The following SPTBN2 variants were observed in gnomAD, a reference collection of about 807,000 sequenced individuals.
SPTBN2 encodes spectrin beta chain, non-erythrocytic 2.
SPTBN2 carries 107 observed loss-of-function variants against 284.2 expected under a neutral mutation model. The observed-to-expected ratio is 0.38, with a 90% CI of 0.32 to 0.44. SPTBN2 has a LOEUF of 0.44. SPTBN2 is among the 20% of genes least tolerant of loss of function. SPTBN2 has a pLI of 1.00. For synonymous variants in SPTBN2, 1,289 were observed against 1,354.8 expected (o/e 0.95, Z 1.07); for missense variants, 2,569 against 3,287.1 (o/e 0.78, Z 5.34).
chr11:66,705,374 C>T lies in SPTBN2; in HGVS notation c.1902G>A (p.Arg634=). ...EALCELAAAR[R]ARLEESRRLW... ...GCCGCCGTGATTCCTCCAGCCGGGCCCGCCGCGCCGCTGCCAACTCGCACA... is the reference window on the plus strand; with the variant it reads ...GCCGCCGTGATTCCTCCAGCCGGGCTCGCCGCGCCGCTGCCAACTCGCACA... The change falls in exon 15 of 38, where the codon CGG becomes CGA. Residue 634 remains arginine (R), a synonymous_variant. Transcript: ENST00000533211. The T allele has an allele frequency of 1.9e-6, 3 of 1,612,672 alleles. No individual in the cohort carries two copies. Among genetic ancestry groups the T allele is most frequent in the African/African-American group, 2.7e-5 (2 of 75,062 alleles).
chr11:66,713,234 C>A (rs1478074276), intron 8 of SPTBN2, among the ~76,000 whole-genome samples: 1 of 150,874 alleles, frequency 6.6e-6, no homozygotes, highest in Non-Finnish European at 1.5e-5. Context: ...AAAAAAAAAA[C>A]CTGAGAAATG....
chr11:66,709,687 A>G (rs1941756166), intron 10 of SPTBN2, among the ~76,000 whole-genome samples: 1 of 152,218 alleles, frequency 6.6e-6, no homozygotes, highest in Admixed American at 6.5e-5. Flanking sequence ...ACCTTAAATC[A>G]TTCCCTGGAA....
At position 66,691,581 on chromosome 11, in the gene SPTBN2, C is replaced by G; in HGVS notation, c.5268G>C (p.Ala1756=). The G allele has an allele frequency of 6.2e-7, 1 of 1,613,740 alleles. No individual in the cohort carries two copies. The change falls in exon 27 of 38, where the codon GCG becomes GCC. Residue 1756 remains alanine, a synonymous_variant. Coordinates refer to ENST00000533211, the MANE Select transcript of SPTBN2 (RefSeq NM_006946.4). This position sits in a 1 kb window ranked among gnomAD's most constrained non-coding sequence, Gnocchi z 8.0. ...IGQERVDSAN[A]LANGLIAGGH... ...CCCCAGCAATGAGCCCATTGGCCAG[C>G]GCATTGGCGCTATCTACGCGCTCCT...
intron 1 of SPTBN2, among the ~76,000 whole-genome samples, chr11:66,734,685 T>C (rs1590997967): frequency 6.6e-6 from 1 of 152,208 alleles, no homozygotes; most frequent in East Asian, 1.9e-4. Context: ...TTGTGTTCTC[T>C]TTTACAGCAT....
intron 16 of SPTBN2, 112 bp from the exon 17 acceptor site, chr11:66,701,394 G>C: frequency 1.3e-6 from 2 of 1,530,630 alleles, no homozygotes; most frequent in Non-Finnish European, 1.8e-6. Context: ...TTTCTGGCCA[G>C]CAGCCGCTTC....
In SPTBN2 at chr11:66,704,475, T is replaced by C. The variant is rs921244817; in HGVS notation, c.2678+123A>G. ...TAACATTTTTTGTTAAAACTAGAAATGGACAACCATTAAGACTCAAAGGGG... is the reference window on the plus strand; with the variant it reads ...TAACATTTTTTGTTAAAACTAGAAACGGACAACCATTAAGACTCAAAGGGG... On this transcript the variant is annotated intron_variant, in intron 15 of 37. Transcript: ENST00000533211. 16 of 1,185,838 alleles carry C rather than the reference T, an allele frequency of 1.3e-5. No individual in the cohort carries two copies. In the African/African-American group the frequency reaches 2.5e-4, roughly 18 times the overall value. 73.5% of individuals were successfully genotyped at this position (1,185,838 alleles called of 1,614,324 possible). A position where few individuals can be genotyped will look rare whatever the true frequency, so the allele number is the denominator to read the frequency against.
intron 1 of SPTBN2, among the ~76,000 whole-genome samples, chr11:66,721,824 T>A (rs1942419044): frequency 6.6e-6 from 1 of 151,858 alleles, no homozygotes; most frequent in Non-Finnish European, 1.5e-5. Flanking sequence ...GGTGGGTGGA[T>A]CACCTGAGGT....
At chr11:66,695,096 G>A in intron 21 of SPTBN2, among the ~76,000 whole-genome samples, 1 of 152,180 alleles carries the variant, frequency 6.6e-6, no homozygotes, top group East Asian at 1.9e-4. Context: ...CTCCAAGGAG[G>A]TCTGAGACTC....
Position 66,687,151 on chromosome 11 carries a change from AC to A in SPTBN2, c.6738del (p.Tyr2247ThrfsTer70). On this transcript the variant is annotated frameshift_variant, in exon 36 of 38. Transcript: ENST00000533211. LOFTEE classifies it high-confidence loss of function. This position sits in a 1 kb window ranked among gnomAD's most constrained non-coding sequence, Gnocchi z 5.2. ...AGGCTCCCACGCCGCAGGACACAGTACACGTTCTGCCAGGACCTGCGAGGGA... is the reference window on the plus strand; with the variant it reads ...AGGCTCCCACGCCGCAGGACACAGTAACGTTCTGCCAGGACCTGCGAGGGA... ...KKAANRSWQN[V>X]YCVLRRGSLG... 1 of 1,613,992 alleles carries A rather than the reference AC, an allele frequency of 6.2e-7. No individual in the cohort carries two copies. Among genetic ancestry groups the A allele is most frequent in the Non-Finnish European group, 8.5e-7 (1 of 1,180,032 alleles).
At chr11:66,724,637 C>A (rs954076681) in intron 1 of SPTBN2, among the ~76,000 whole-genome samples, 2 of 152,174 alleles carry the variant, frequency 1.3e-5, no homozygotes, top group Non-Finnish European at 2.9e-5. Context: ...CTGCACAGAA[C>A]CTAAACATGG....
intron 3 of SPTBN2, among the ~76,000 whole-genome samples, chr11:66,719,829 C>G (rs577692044): frequency 6.6e-6 from 1 of 152,290 alleles, no homozygotes; most frequent in South Asian, 2.1e-4. Flanking sequence ...GGAACATTTT[C>G]CCCAAACATG....
chr11:66,687,383 T>G lies in SPTBN2; in HGVS notation c.6722+44A>C. The G allele has an allele frequency of 1.9e-6, 3 of 1,595,144 alleles. No homozygotes were observed. The highest frequency in any genetic ancestry group is 1.7e-6 in the Non-Finnish European group (2 of 1,174,248). ...TCCCTCCCTCTATCTGGGCAGAGGC[T>G]CTGGGGAAGTGCCCTCTGAGAGCAG... On this transcript the variant is annotated intron_variant, in intron 35 of 37. Transcript: ENST00000533211. This position sits in a 1 kb window ranked among gnomAD's most constrained non-coding sequence, Gnocchi z 5.2.
chr11:66,741,724 T>G (rs1180516291), intron 1 of SPTBN2, among the ~76,000 whole-genome samples: 5 of 152,210 alleles, frequency 3.3e-5, no homozygotes, highest in Non-Finnish European at 1.5e-5. Context: ...GGCTTCAAAT[T>G]TCTTCATCTT....
intron 1 of SPTBN2, among the ~76,000 whole-genome samples, chr11:66,722,177 G>A (rs1942437491): frequency 6.6e-6 from 1 of 152,138 alleles, no homozygotes; most frequent in African/African-American, 2.4e-5. Flanking sequence ...ATAAATGTCG[G>A]CTGTGACATA....
In SPTBN2 at chr11:66,710,785, C is replaced by G; in HGVS notation, c.886-16G>C. On this transcript the variant is annotated splice_polypyrimidine_tract_variant and intron_variant, in intron 9 of 37. Transcript: ENST00000533211. This position sits in a 1 kb window ranked among gnomAD's most constrained non-coding sequence, Gnocchi z 4.9. ...GGTCCAGCACCTGGGAGGCAGAAGACAGGGACGTGACAGTCCCAGCCACAG... is the reference window on the plus strand; with the variant it reads ...GGTCCAGCACCTGGGAGGCAGAAGAGAGGGACGTGACAGTCCCAGCCACAG... 6.2e-7 allele frequency: 1 copy of G among 1,613,620 alleles called. No individual in the cohort carries two copies. Among genetic ancestry groups the G allele is most frequent in the Non-Finnish European group, 8.5e-7 (1 of 1,180,036 alleles).
At chr11:66,735,578 G>A (rs928090505) in intron 1 of SPTBN2, among the ~76,000 whole-genome samples, 1 of 152,112 alleles carries the variant, frequency 6.6e-6, no homozygotes, top group Admixed American at 6.6e-5. Context: ...TGGGCATGGT[G>A]GTGTATGCCT....
chr11:66,724,843 C>T (rs1192143418), intron 1 of SPTBN2, among the ~76,000 whole-genome samples: 1 of 152,216 alleles, frequency 6.6e-6, no homozygotes, highest in African/African-American at 2.4e-5. Context: ...CTTCTCTCTT[C>T]TCCATACCTC....
chr11:66,693,696 T>C lies in SPTBN2; in HGVS notation c.4593+76A>G. 1 of 1,442,248 alleles carries C rather than the reference T, an allele frequency of 6.9e-7. No individual in the cohort carries two copies. The highest frequency in any genetic ancestry group is 1.4e-5 in the African/African-American group (1 of 71,154). 89.3% of individuals were successfully genotyped at this position (1,442,248 alleles called of 1,614,324 possible). ...GTTACACTCAGCATCGAGGGGGGCCTGGTCTTAAGAAAAAACACGTCCAAG... is the reference window on the plus strand; with the variant it reads ...GTTACACTCAGCATCGAGGGGGGCCCGGTCTTAAGAAAAAACACGTCCAAG... On this transcript the variant is annotated intron_variant, in intron 23 of 37. Coordinates refer to ENST00000533211, the MANE Select transcript of SPTBN2 (RefSeq NM_006946.4). The surrounding 1 kb of genome is among the most constrained non-coding windows in gnomAD (Gnocchi z 5.7).
intron 29 of SPTBN2, 120 bp from the exon 30 acceptor site, chr11:66,689,300 G>A: frequency 8.9e-7 from 1 of 1,124,412 alleles, no homozygotes; most frequent in Admixed American, 2.3e-5. Flanking sequence ...TTGAGACGGA[G>A]TTTCGCTCTT....
Sources: allele counts gnomAD v4.1 joint callset (sites outside exome capture counted in the v4.1 genomes callset), GRCh38; gene constraint gnomAD v4.1.1; non-coding constraint Gnocchi (gnomAD v3.1); transcripts MANE v1.5; gene names NCBI Gene and HGNC (gene_info 2026-07-23, HGNC 2026-07-21).